The following KYNU variants were observed in gnomAD, a reference collection of about 807,000 sequenced individuals.
KYNU encodes the protein kynureninase.
A neutral mutation model predicts 59.2 loss-of-function variants in KYNU; 54 were observed. That is an observed-to-expected ratio of 0.91 (90% CI 0.73 to 1.14). KYNU has a LOEUF of 1.14. Ranked by LOEUF, KYNU falls within the 50% of genes most tolerant of loss-of-function variation. The probability of loss-of-function intolerance (pLI) is 0.00; values close to 1 mark genes in which losing one functional copy is unlikely to be tolerated. For missense variants in KYNU, 567 were observed against 554.4 expected, an observed-to-expected ratio of 1.02 and a Z score of -0.23; for synonymous variants, 177 against 192.0, an observed-to-expected ratio of 0.92 and a Z score of 0.65.
At chr2:143,038,440 A>T (rs971448098) in intron 12 of KYNU, among the ~76,000 whole-genome samples, 3 of 152,074 alleles carry the variant, frequency 2.0e-5, no homozygotes, top group Non-Finnish European at 2.9e-5. Flanking sequence ...TGCCAAGTCT[A>T]CCTACATTTG....
At chr2:142,918,808 G>GA (rs1682770100) in intron 3 of KYNU, 79 bp downstream of exon 3, 1 of 1,468,578 alleles carries the variant, frequency 6.8e-7, no homozygotes, top group Non-Finnish European at 9.5e-7. Flanking sequence ...CTAATATTTG[G>GA]AAAGATGTGT....
intron 1 of KYNU, among the ~76,000 whole-genome samples, chr2:142,878,270 TC>T (rs1681164281): frequency 6.6e-6 from 1 of 152,196 alleles, no homozygotes; most frequent in South Asian, 2.1e-4. Context: ...TACTAGATTT[TC>T]TTTTTTCCTT....
intron 12 of KYNU, among the ~76,000 whole-genome samples, chr2:143,036,132 G>T (rs6741488): frequency 6.6e-6 from 1 of 151,540 alleles, no homozygotes; most frequent in Non-Finnish European, 1.5e-5. Context: ...GGCCTCAAGC[G>T]ATTCTCCTGC....
intron 8 of KYNU, chr2:142,967,284 A>G (rs1260033545): frequency 6.6e-6 from 1 of 152,088 alleles, no homozygotes; most frequent in Non-Finnish European, 1.5e-5. Context: ...AGTGTACCTA[A>G]TGGATGCTGG....
intron 10 of KYNU, among the ~76,000 whole-genome samples, chr2:143,007,405 T>C (rs1437802275): frequency 1.4e-5 from 2 of 144,008 alleles, no homozygotes; most frequent in Admixed American, 1.4e-4. Context: ...TATGGGACTA[T>C]GTGAAAAGAC....
At chr2:142,881,916 C>CTTTTTTTT (rs869099302) in intron 1 of KYNU, among the ~76,000 whole-genome samples, 212 of 113,132 alleles carry the variant, frequency 1.9e-3, no homozygotes, top group African/African-American at 4.3e-3. Context: ...TTTCTTTTTT[C>CTTTTTTTT]TTTTTTTTTT....
chr2:142,964,264 A>G (rs1428444890), intron 8 of KYNU, among the ~76,000 whole-genome samples: 4 of 152,184 alleles, frequency 2.6e-5, no homozygotes, highest in African/African-American at 9.6e-5. Flanking sequence ...ATATTCACAT[A>G]AATTTTGGGG....
chr2:142,881,298 A>G (rs1487749390), intron 1 of KYNU: 1 of 152,238 alleles, frequency 6.6e-6, no homozygotes, highest in Non-Finnish European at 1.5e-5. Context: ...CACAACTGAT[A>G]TCAAAGTAAA....
At position 142,945,745 on chromosome 2, in the gene KYNU, A is replaced by ATT. The variant is rs35581968; in HGVS notation, c.374-9053_374-9052dup. 8.5e-3 allele frequency among the ~76,000 whole-genome samples: 1,253 copies of ATT among 147,062 alleles called. 9 individuals are homozygous for ATT. Among genetic ancestry groups the ATT allele is most frequent in the African/African-American group, 0.027 (1,094 of 39,864 alleles). On this transcript the variant is annotated intron_variant, in intron 4 of 13. Transcript: ENST00000264170. ...AAAATGCTTTTTTTAATTGTATTTAATTTTTTTTTTTTTGGAAAAGCAGTC... is the reference window on the plus strand; with the variant it reads ...AAAATGCTTTTTTTAATTGTATTTAATTTTTTTTTTTTTTTGGAAAAGCAGTC...
chr2:143,034,085 C>G (rs1031706875), intron 12 of KYNU, among the ~76,000 whole-genome samples: 4 of 150,890 alleles, frequency 2.7e-5, no homozygotes, highest in Non-Finnish European at 3.0e-5. Context: ...TAGTGTTAGA[C>G]TAAATGTGGC....
chr2:142,931,420 T>C (rs1683214447), intron 4 of KYNU, among the ~76,000 whole-genome samples: 1 of 152,156 alleles, frequency 6.6e-6, no homozygotes, highest in South Asian at 2.1e-4. Context: ...TCATCTGTAT[T>C]GTCTGGAAAC....
chr2:142,980,497 C>A (rs1039559621), intron 8 of KYNU, among the ~76,000 whole-genome samples: 2 of 152,126 alleles, frequency 1.3e-5, no homozygotes, highest in Admixed American at 6.6e-5. Context: ...CTGATTCAAA[C>A]ACCTCTGATA....
chr2:142,903,241 G>A (rs918140051), intron 2 of KYNU, among the ~76,000 whole-genome samples: 4 of 152,040 alleles, frequency 2.6e-5, no homozygotes, highest in African/African-American at 9.7e-5. Context: ...AGGGAAAGGA[G>A]GTGGAATCCT....
At chr2:142,897,184 G>A (rs774969133) in intron 2 of KYNU, among the ~76,000 whole-genome samples, 17 of 152,168 alleles carry the variant, frequency 1.1e-4, no homozygotes, top group Non-Finnish European at 2.4e-4. Context: ...CTCTCCATGT[G>A]CATTTAAAAT....
chr2:143,017,437 T>TTG, intron 10 of KYNU, among the ~76,000 whole-genome samples: 1 of 94,920 alleles, frequency 1.1e-5, no homozygotes, highest in Non-Finnish European at 2.1e-5. Flanking sequence ...CTTTTTTCTT[T>TTG]TTTTTTTTTT....
chr2:142,889,638 G>A (rs17281006), intron 2 of KYNU, among the ~76,000 whole-genome samples: 4 of 152,020 alleles, frequency 2.6e-5, no homozygotes, highest in Admixed American at 2.0e-4. Context: ...GACCCCCAAC[G>A]GTGTTGAAAT....
At chr2:142,960,545 G>T in intron 7 of KYNU, 79 bp from the exon 8 acceptor site, 1 of 1,357,708 alleles carries the variant, frequency 7.4e-7, no homozygotes, top group Non-Finnish European at 1.0e-6. Context: ...AAGGGCTCAC[G>T]GTGAAATTTA....
chr2:142,919,794 G>A (rs11692287), intron 3 of KYNU, among the ~76,000 whole-genome samples: 55,672 of 152,002 alleles, frequency 0.37, 10,514 homozygotes, highest in South Asian at 0.56. Flanking sequence ...AAATTAGGCC[G>A]GGAATGGTGG....
intron 8 of KYNU, among the ~76,000 whole-genome samples, chr2:142,963,506 G>A (rs1558947329): frequency 6.6e-6 from 1 of 152,114 alleles, no homozygotes; most frequent in African/African-American, 2.4e-5. Context: ...TTCCTCACAT[G>A]GCAGAAGGGC....
Sources: gnomAD v4.1 joint callset for allele counts (sites outside exome capture counted in the v4.1 genomes callset) on GRCh38, gnomAD v4.1.1 for gene constraint, MANE v1.5 for transcripts, NCBI Gene and HGNC (gene_info 2026-07-23, HGNC 2026-07-21) for gene names.